The following ZFPM2 variants were observed in gnomAD, a reference collection of about 807,000 sequenced individuals.
The protein encoded by ZFPM2 is zinc finger protein, FOG family member 2.
ZFPM2 carries 20 observed loss-of-function variants against 98.6 expected under a neutral mutation model. The ratio of observed to expected loss-of-function variants is 0.20; its 90% CI spans 0.14 to 0.29. The LOEUF (loss-of-function observed/expected upper bound fraction) is 0.29, where lower values mean the gene tolerates loss of function less well. ZFPM2 is among the 10% of genes least tolerant of loss of function. ZFPM2 has a pLI of 1.00. For missense variants in ZFPM2, 1,310 were observed against 1,388.6 expected, an observed-to-expected ratio of 0.94 and a Z score of 0.90; for synonymous variants, 518 against 502.7, an observed-to-expected ratio of 1.03 and a Z score of -0.41.
chr8:105,332,755 A>T (rs1586297635), intron 1 of ZFPM2, among the ~76,000 whole-genome samples: 1 of 151,618 alleles, frequency 6.6e-6, no homozygotes, highest in Admixed American at 6.6e-5. Flanking sequence ...TCAGCTGGGT[A>T]TTGAAGGAGG....
chr8:105,568,519 A>C (rs17217042), intron 4 of ZFPM2, among the ~76,000 whole-genome samples: 2 of 152,008 alleles, frequency 1.3e-5, no homozygotes, highest in Non-Finnish European at 2.9e-5. Flanking sequence ...AGAGTCAAAC[A>C]TCTTCCAAGA....
chr8:105,626,119 TA>T (rs748670790), intron 4 of ZFPM2, among the ~76,000 whole-genome samples: 10 of 152,166 alleles, frequency 6.6e-5, no homozygotes, highest in Non-Finnish European at 1.5e-4. Flanking sequence ...TGACATTTAC[TA>T]AAAAGCACTA....
chr8:105,380,120 A>G (rs929056670), intron 1 of ZFPM2, among the ~76,000 whole-genome samples: 4 of 152,166 alleles, frequency 2.6e-5, no homozygotes, highest in Non-Finnish European at 4.4e-5. Flanking sequence ...TTGAATTTTG[A>G]TACAGATTTT....
chr8:105,333,207 T>C (rs1158206823), intron 1 of ZFPM2, among the ~76,000 whole-genome samples: 2 of 151,770 alleles, frequency 1.3e-5, no homozygotes, highest in Non-Finnish European at 3.0e-5. Context: ...AATTCAACCT[T>C]AGACCTTCTG....
intron 5 of ZFPM2, among the ~76,000 whole-genome samples, chr8:105,782,112 C>A (rs1257869039): frequency 1.3e-5 from 2 of 152,154 alleles, no homozygotes; most frequent in African/African-American, 4.8e-5. Context: ...CAATAAAAGC[C>A]ACCTCACTGC....
At chr8:105,535,500 T>C (rs184269876) in intron 3 of ZFPM2, among the ~76,000 whole-genome samples, 1 of 152,312 alleles carries the variant, frequency 6.6e-6, no homozygotes, top group East Asian at 1.9e-4. Context: ...ATCATATAAA[T>C]TGAGTATTTT....
intron 2 of ZFPM2, among the ~76,000 whole-genome samples, chr8:105,424,386 T>G (rs1310789763): frequency 6.6e-6 from 1 of 152,136 alleles, no homozygotes; most frequent in Non-Finnish European, 1.5e-5. Context: ...TTCTTGGGTA[T>G]AATAATGCCC....
At chr8:105,463,924 G>A (rs139722853) in intron 3 of ZFPM2, among the ~76,000 whole-genome samples, 1 of 152,052 alleles carries the variant, frequency 6.6e-6, no homozygotes, top group African/African-American at 2.4e-5. Flanking sequence ...TGAGCTGATA[G>A]CCATGAATTT....
chr8:105,339,761 C>G (rs1296188596), intron 1 of ZFPM2, among the ~76,000 whole-genome samples: 2 of 151,924 alleles, frequency 1.3e-5, no homozygotes, highest in Non-Finnish European at 2.9e-5. Flanking sequence ...TGACATCTCT[C>G]TCATTCACGT....
intron 1 of ZFPM2, 80 bp from the exon 2 acceptor site, chr8:105,419,064 A>C: frequency 7.2e-7 from 1 of 1,384,066 alleles, no homozygotes; most frequent in Non-Finnish European, 9.8e-7. Flanking sequence ...CACTGTAACA[A>C]AAAAAGGCTC....
chr8:105,621,786 A>G (rs1586156288), intron 4 of ZFPM2, among the ~76,000 whole-genome samples: 1 of 152,108 alleles, frequency 6.6e-6, no homozygotes, highest in African/African-American at 2.4e-5. Flanking sequence ...TAACCTATAA[A>G]TATTATTGAA....
At chr8:105,551,882 A>T (rs978499012) in intron 3 of ZFPM2, among the ~76,000 whole-genome samples, 15 of 152,164 alleles carry the variant, frequency 9.9e-5, no homozygotes, top group African/African-American at 3.6e-4. Flanking sequence ...TCAAGCTAAC[A>T]CAGGATCTAG....
chr8:105,465,044 T>C (rs1662767615), intron 3 of ZFPM2, among the ~76,000 whole-genome samples: 2 of 151,976 alleles, frequency 1.3e-5, no homozygotes, highest in South Asian at 2.1e-4. Flanking sequence ...AATTCTATAA[T>C]TGATTTTTAT....
chr8:105,787,475 T>C (rs1307556524), intron 5 of ZFPM2: 5 of 152,360 alleles, frequency 3.3e-5, no homozygotes, highest in African/African-American at 9.6e-5. Flanking sequence ...GCTGGCTTAA[T>C]TAATTGCCCA....
At chr8:105,443,697 A>T (rs1200283193) in intron 2 of ZFPM2, among the ~76,000 whole-genome samples, 1 of 152,190 alleles carries the variant, frequency 6.6e-6, no homozygotes, top group Non-Finnish European at 1.5e-5. Flanking sequence ...TTCAAGCAAA[A>T]ATATAGGTTT....
chr8:105,592,827 G>A (rs1815879428), intron 4 of ZFPM2, among the ~76,000 whole-genome samples: 2 of 152,246 alleles, frequency 1.3e-5, no homozygotes, highest in South Asian at 4.1e-4. Flanking sequence ...TCTTAGGCAA[G>A]CAGTTTAAAA....
chr8:105,802,090 G>A lies in ZFPM2; in HGVS notation c.2008G>A (p.Val670Met), dbSNP rs1814040920. The change falls in exon 8 of 8, where the codon GTG becomes ATG. Residue 670 changes from valine to methionine, a missense_variant. Physicochemically the swap from Val to Met is conservative, Grantham distance 21. Transcript: ENST00000407775. ...CAAAATTAATGGAAAACCTGTTGAT[G>A]TGAAAAATCCCAGTGTCCCCTTAGT... ...DDKINGKPVD[V>M]KNPSVPLVDG... is the part of the protein sequence containing the mutation. The A allele has an allele frequency of 6.2e-7, 1 of 1,613,816 alleles. No individual in the cohort carries two copies. Among genetic ancestry groups the A allele is most frequent in the Non-Finnish European group, 8.5e-7 (1 of 1,179,864 alleles).
intron 5 of ZFPM2, among the ~76,000 whole-genome samples, chr8:105,658,023 G>A (rs958980791): frequency 3.9e-5 from 6 of 152,096 alleles, no homozygotes; most frequent in African/African-American, 1.4e-4. Context: ...GTTGACCAGT[G>A]CTTCCATTGT....
chr8:105,771,195 A>G (rs1175658984), intron 5 of ZFPM2, among the ~76,000 whole-genome samples: 2 of 151,990 alleles, frequency 1.3e-5, no homozygotes, highest in African/African-American at 2.4e-5. Flanking sequence ...CCAACTTGTT[A>G]TGCTGTATTT....
Sources: allele counts gnomAD v4.1 joint callset (sites outside exome capture counted in the v4.1 genomes callset), GRCh38; gene constraint gnomAD v4.1.1; transcripts MANE v1.5; gene names NCBI Gene and HGNC (gene_info 2026-07-23, HGNC 2026-07-21).